The following NAP1L4 variants were observed in gnomAD, a reference collection of about 807,000 sequenced individuals.
The protein encoded by NAP1L4 is nucleosome assembly protein 1-like 4.
In NAP1L4, 15 loss-of-function variants were observed where a neutral mutation model predicts 58.2. The observed-to-expected ratio is 0.26, with a 90% CI of 0.17 to 0.40. The LOEUF is 0.40. NAP1L4 is among the 10% of genes least tolerant of loss of function. The pLI, the probability that NAP1L4 is intolerant of heterozygous loss-of-function variation, is 1.00. For missense variants in NAP1L4, 384 were observed against 451.1 expected (o/e 0.85, Z 1.35); for synonymous variants, 171 against 155.6 (o/e 1.10, Z -0.74).
intron 10 of NAP1L4, among the ~76,000 whole-genome samples, chr11:2,957,631 C>T (rs1022121762): frequency 4.6e-5 from 7 of 152,036 alleles, no homozygotes; most frequent in African/African-American, 7.2e-5. Context: ...CATTTTCTCG[C>T]GATTAGGAAA....
At chr11:2,973,319 T>A (rs1298042669) in intron 4 of NAP1L4, among the ~76,000 whole-genome samples, 1 of 152,236 alleles carries the variant, frequency 6.6e-6, no homozygotes, top group Non-Finnish European at 1.5e-5. Flanking sequence ...CCATCAAAAC[T>A]ATTTGTTCAA....
At chr11:2,989,588 T>C (rs916446582) in intron 1 of NAP1L4, among the ~76,000 whole-genome samples, 2 of 152,182 alleles carry the variant, frequency 1.3e-5, no homozygotes, top group Non-Finnish European at 2.9e-5. Flanking sequence ...CTACTATATA[T>C]ACATACATAT....
In NAP1L4 at chr11:2,954,683, TG is replaced by T. The variant is rs1564974461; in HGVS notation, c.916-38del. On this transcript the variant is annotated intron_variant, in intron 11 of 15. Coordinates refer to ENST00000380542, the MANE Select transcript of NAP1L4 (RefSeq NM_005969.4). The surrounding 1 kb of genome is among the most constrained non-coding windows in gnomAD (Gnocchi z 4.8). ...AAACCTACGTGTTAACTCATTTTAA[TG>T]GGATAAAAACATTCACTTCACCACC... 1.2e-6 allele frequency: 2 copies of T among 1,613,830 alleles called. No individual in the cohort carries two copies. The highest frequency in any genetic ancestry group is 2.2e-5 in the East Asian group (1 of 44,898).
At chr11:2,947,535 C>T (rs546788113) in intron 15 of NAP1L4, among the ~76,000 whole-genome samples, 2 of 152,162 alleles carry the variant, frequency 1.3e-5, no homozygotes, top group South Asian at 4.2e-4. Context: ...CACACTGGAG[C>T]TTCTGCAAGT....
chr11:2,976,321 A>C (rs1432691297), intron 3 of NAP1L4, among the ~76,000 whole-genome samples, 198 bp from the exon 4 acceptor site: 1 of 152,232 alleles, frequency 6.6e-6, no homozygotes, highest in African/African-American at 2.4e-5. Flanking sequence ...ACTCTGGGTT[A>C]ATCACCTGAT....
Position 2,969,790 on chromosome 11 carries a change from G to A in NAP1L4, c.534+13C>T, listed in dbSNP as rs142580018. 230 of 1,606,534 alleles carry A rather than the reference G, an allele frequency of 1.4e-4. 2 individuals are homozygous for A. In the East Asian group the frequency reaches 5.1e-3, roughly 35 times the overall value. ...TAGCACATAATCTCTCTACAAGACA[G>A]AAGTGTGCTTACCTGGACTAATTCA... On this transcript the variant is annotated intron_variant, in intron 7 of 15. Transcript: ENST00000380542.
In NAP1L4 at chr11:2,959,580, C is replaced by G. The variant is rs557004264; in HGVS notation, c.746+190G>C. On this transcript the variant is annotated intron_variant, in intron 9 of 15. Transcript: ENST00000380542. This position sits in a 1 kb window ranked among gnomAD's most constrained non-coding sequence, Gnocchi z 4.9. ...GTGACTCATTTCCCAGGTTCAGCCG[C>G]CATCTCCAAGTTCTGCACTATGAGC... Among the ~76,000 whole-genome samples the G allele has an allele frequency of 1.3e-5, 2 of 152,364 alleles. No individual in the cohort carries two copies. Among genetic ancestry groups the G allele is most frequent in the East Asian group, 3.9e-4 (2 of 5,192 alleles).
At chr11:2,974,258 TAAAC>T (rs915623630) in intron 4 of NAP1L4, among the ~76,000 whole-genome samples, 4 of 152,138 alleles carry the variant, frequency 2.6e-5, no homozygotes, top group African/African-American at 4.8e-5. Flanking sequence ...CAAAGGATGT[TAAAC>T]AAACTGGACC....
rs74954764 is a variant in NAP1L4 at position 2,951,831 on chromosome 11, T to A, written c.1036-22A>T. 1 of 1,613,156 alleles carries A rather than the reference T, an allele frequency of 6.2e-7. No individual in the cohort carries two copies. Among genetic ancestry groups the A allele is most frequent in the Non-Finnish European group, 8.5e-7 (1 of 1,179,206 alleles). On this transcript the variant is annotated intron_variant, in intron 12 of 15. Transcript: ENST00000380542. This position sits in a 1 kb window ranked among gnomAD's most constrained non-coding sequence, Gnocchi z 4.0. ...CAAACTGGAGAAACACAGAAAAACA[T>A]TTTTAGGTTTACAAAACATGACAGC...
intron 15 of NAP1L4, among the ~76,000 whole-genome samples, chr11:2,945,944 A>G (rs1845919659): frequency 6.6e-6 from 1 of 152,086 alleles, no homozygotes; most frequent in Non-Finnish European, 1.5e-5. Context: ...GGGCCTGCCC[A>G]TGAAAGGGCT....
At chr11:2,969,601 A>C (rs1847513396) in intron 7 of NAP1L4, among the ~76,000 whole-genome samples, 1 of 152,152 alleles carries the variant, frequency 6.6e-6, no homozygotes, top group Non-Finnish European at 1.5e-5. Flanking sequence ...AGAACTGCAA[A>C]AGACAGCATG....
intron 3 of NAP1L4, among the ~76,000 whole-genome samples, chr11:2,976,656 C>T (rs914830457): frequency 5.3e-5 from 8 of 152,230 alleles, no homozygotes. Flanking sequence ...CTTGAATGTC[C>T]TTCTGCCCAA....
intron 8 of NAP1L4, chr11:2,963,763 C>A (rs1339075221): frequency 1.9e-6 from 1 of 519,312 alleles, no homozygotes; most frequent in Non-Finnish European, 3.8e-6. Flanking sequence ...CACAGCCCGT[C>A]ATGCAGCATT....
intron 8 of NAP1L4, among the ~76,000 whole-genome samples, chr11:2,960,880 C>T (rs1423729046): frequency 1.3e-5 from 2 of 152,146 alleles, no homozygotes; most frequent in African/African-American, 2.4e-5. Context: ...AGACAGTTTA[C>T]AAGACCAGTT....
intron 15 of NAP1L4, among the ~76,000 whole-genome samples, chr11:2,947,422 G>C (rs1590213330): frequency 6.6e-6 from 1 of 152,226 alleles, no homozygotes; most frequent in East Asian, 1.9e-4. Flanking sequence ...CCATGCACCT[G>C]ACTCTGGGAA....
At position 2,954,652 on chromosome 11, in the gene NAP1L4, G is replaced by T; in HGVS notation, c.916-6C>A. 1 of 1,614,160 alleles carries T rather than the reference G, an allele frequency of 6.2e-7. No individual in the cohort carries two copies. On this transcript the variant is annotated splice_polypyrimidine_tract_variant and splice_region_variant and intron_variant, in intron 11 of 15. Transcript: ENST00000380542. This position sits in a 1 kb window ranked among gnomAD's most constrained non-coding sequence, Gnocchi z 4.8. ...GTGAATTCAGAATCTTCATCCTGAG[G>T]AGGAAAAACCTACGTGTTAACTCAT...
rs1846048525 is a variant in NAP1L4 at position 2,948,359 on chromosome 11, CG to C, written c.*32+867del. On this transcript the variant is annotated intron_variant, in intron 15 of 15. Coordinates refer to ENST00000380542, the MANE Select transcript of NAP1L4 (RefSeq NM_005969.4). This position sits in a 1 kb window ranked among gnomAD's most constrained non-coding sequence, Gnocchi z 5.1. ...TGTTCTGTGACGAGACCCTTAAAAACGGAGTGCCTACTTATCCTGGCATGCA... is the reference window on the plus strand; with the variant it reads ...TGTTCTGTGACGAGACCCTTAAAAACGAGTGCCTACTTATCCTGGCATGCA... 6.6e-6 allele frequency among the ~76,000 whole-genome samples: 1 copy of C among 152,142 alleles called. No individual in the cohort carries two copies. Among genetic ancestry groups the C allele is most frequent in the African/African-American group, 2.4e-5 (1 of 41,414 alleles).
intron 15 of NAP1L4, among the ~76,000 whole-genome samples, chr11:2,947,286 G>A (rs933053632): frequency 2.0e-5 from 3 of 152,238 alleles, no homozygotes; most frequent in Non-Finnish European, 4.4e-5. Context: ...CCACGAGAAT[G>A]TAGTATTCAT....
intron 7 of NAP1L4, among the ~76,000 whole-genome samples, chr11:2,967,341 G>A (rs1167579206): frequency 6.6e-6 from 1 of 152,282 alleles, no homozygotes; most frequent in African/African-American, 2.4e-5. Flanking sequence ...GGCCGGGCAC[G>A]GTGGCTCACG....
Sources: allele counts gnomAD v4.1 joint callset (sites outside exome capture counted in the v4.1 genomes callset), GRCh38; gene constraint gnomAD v4.1.1; non-coding constraint Gnocchi (gnomAD v3.1); transcripts MANE v1.5; gene names NCBI Gene and HGNC (gene_info 2026-07-23, HGNC 2026-07-21).